RUBCNL: variants seen among roughly 807,000 people sequenced by gnomAD.
RUBCNL encodes rubicon like autophagy enhancer.
A neutral mutation model predicts 69.5 loss-of-function variants in RUBCNL; 62 were observed. That is an observed-to-expected ratio of 0.89 (90% CI 0.73 to 1.10). RUBCNL has a LOEUF of 1.10. RUBCNL is among the 50% of genes least tolerant of loss of function. The probability of loss-of-function intolerance (pLI) is 0.00; values close to 1 mark genes in which losing one functional copy is unlikely to be tolerated. For missense variants in RUBCNL, 768 were observed against 798.1 expected, an observed-to-expected ratio of 0.96 and a Z score of 0.45; for synonymous variants, 291 against 303.6, an observed-to-expected ratio of 0.96 and a Z score of 0.43.
intron 14 of RUBCNL, 130 bp from the exon 15 acceptor site, chr13:46,343,627 C>G (rs1421725902): frequency 1.1e-6 from 1 of 923,456 alleles, no homozygotes; most frequent in African/African-American, 1.7e-5. Flanking sequence ...AAAAAGAAAC[C>G]AGCCAGGCTG....
In RUBCNL at chr13:46,372,105, C is replaced by T. The variant is rs762425307; in HGVS notation, c.371G>A (p.Ser124Asn). The change falls in exon 3 of 15, where the codon AGT becomes AAT. Residue 124 changes from serine (S) to asparagine (N), a missense_variant. Physicochemically the swap from Ser to Asn is conservative, Grantham distance 46. Transcript: ENST00000429979. ...SASPHGSSEK[S>N]SSFSLSSTEV... The stretch of plus-strand genomic sequence containing the variant: ...TGTTGAGGACAGAGAGAAGCTGCTA[C>T]TCTTTTCACTCGAGCCATGGGGAGA... 6.2e-7 allele frequency: 1 copy of T among 1,613,974 alleles called. No individual in the cohort carries two copies. The highest frequency in any genetic ancestry group is 8.5e-7 in the Non-Finnish European group (1 of 1,179,882).
intron 8 of RUBCNL, 93 bp from the exon 9 acceptor site, chr13:46,359,724 A>T (rs1433076340): frequency 2.1e-5 from 26 of 1,236,564 alleles, no homozygotes; most frequent in Non-Finnish European, 2.6e-5. Flanking sequence ...CAACATTAAA[A>T]TTTACCATGA....
At chr13:46,376,647 A>G (rs2049000887) in intron 2 of RUBCNL, among the ~76,000 whole-genome samples, 1 of 152,246 alleles carries the variant, frequency 6.6e-6, no homozygotes, top group Admixed American at 6.5e-5. Context: ...CAAACACAGA[A>G]GCCTAGAGTA....
intron 12 of RUBCNL, among the ~76,000 whole-genome samples, chr13:46,346,333 C>T (rs1174590392): frequency 6.6e-6 from 1 of 152,184 alleles, no homozygotes; most frequent in Non-Finnish European, 1.5e-5. Flanking sequence ...AATCCCCAAT[C>T]CCTCTTCTTT....
rs1365985268 is a variant in RUBCNL, at chr13:46,359,509, T to G, written c.1242A>C (p.Ile414=). 1.9e-6 allele frequency: 3 copies of G among 1,601,402 alleles called. No individual in the cohort carries two copies. Among genetic ancestry groups the G allele is most frequent in the African/African-American group, 2.7e-5 (2 of 74,764 alleles). ...ACTTGAGTGGTGGATGAATATTAAA[T>G]ATGATTTGAAATCTAGGAGGAGCCC... ...EDWAPPRFQI[I]FNIHPPLKRD... The change falls in exon 9 of 15, where the codon ATA becomes ATC. Residue 414 remains isoleucine, a synonymous_variant. Transcript: ENST00000429979.
chr13:46,359,217 C>T (rs1594151463), intron 9 of RUBCNL, among the ~76,000 whole-genome samples: 1 of 151,850 alleles, frequency 6.6e-6, no homozygotes, highest in East Asian at 1.9e-4. Flanking sequence ...ATTTAATTTT[C>T]AGTTGCTACG....
chr13:46,388,851 T>C (rs2049304017), upstream of RUBCNL, among the ~76,000 whole-genome samples: 1 of 152,244 alleles, frequency 6.6e-6, no homozygotes, highest in South Asian at 2.1e-4. Context: ...TACTAGTTGC[T>C]GCCATCTTCA....
rs192506375 is a variant in RUBCNL at position 46,365,132 on chromosome 13, G to A, written c.827-1919C>T. Among the ~76,000 whole-genome samples the A allele has an allele frequency of 1.6e-3, 237 of 151,796 alleles. 1 individual carries two copies. The highest frequency in any genetic ancestry group is 5.3e-3 in the African/African-American group (221 of 41,386). ...AGCCTGGCCAACATGGTGAAAGCTC[G>A]TCTCTACTAAAAATACAAAAATTAG... On this transcript the variant is annotated intron_variant, in intron 5 of 14. Coordinates refer to ENST00000429979, the MANE Select transcript of RUBCNL (RefSeq NM_025113.5).
chr13:46,378,127 A>G, intron 1 of RUBCNL, 122 bp from the exon 2 acceptor site: 1 of 567,326 alleles, frequency 1.8e-6, no homozygotes, highest in Non-Finnish European at 3.0e-6. Context: ...CTGAGCATCT[A>G]CTACAGGTCT....
In RUBCNL at chr13:46,372,717, T is replaced by C. The variant is rs2048905898; in HGVS notation, c.-122-120A>G. ...AGTCTGTACTTGGCTCTATCCAACA[T>C]AGTAAAGCCCGCTTGGATTTATAAG... On this transcript the variant is annotated intron_variant, in intron 2 of 14. Coordinates refer to ENST00000429979, the MANE Select transcript of RUBCNL (RefSeq NM_025113.5). The C allele has an allele frequency of 1.8e-5, 14 of 762,974 alleles. 1 individual carries two copies. In the South Asian group the frequency reaches 2.8e-4, roughly 16 times the overall value. The allele number at this position is 762,974 out of a possible 1,614,324, so 47.3% of individuals were successfully genotyped here.
intron 5 of RUBCNL, among the ~76,000 whole-genome samples, chr13:46,366,639 G>A (rs2138778552): frequency 6.6e-6 from 1 of 152,316 alleles, no homozygotes; most frequent in Middle Eastern, 3.4e-3. Flanking sequence ...ACCATATGGA[G>A]TGAGTTCTTC....
chr13:46,353,095 T>TCC (rs2048406080), intron 10 of RUBCNL, among the ~76,000 whole-genome samples: 1 of 152,168 alleles, frequency 6.6e-6, no homozygotes, highest in Admixed American at 6.5e-5. Flanking sequence ...AGCCATCATG[T>TCC]CCCACTCCTC....
chr13:46,364,708 T>C (rs1465755735), intron 5 of RUBCNL, among the ~76,000 whole-genome samples: 2 of 151,516 alleles, frequency 1.3e-5, no homozygotes. Context: ...TGTTTTTTTT[T>C]TTTTTAATGT....
intron 14 of RUBCNL, 27 bp from the exon 15 acceptor site, chr13:46,343,524 C>T: frequency 6.2e-7 from 1 of 1,606,402 alleles, no homozygotes; most frequent in South Asian, 1.1e-5. Context: ...GAGCCGTTAG[C>T]AAACGGTCTA....
At chr13:46,380,311 G>A (rs758224171) in intron 1 of RUBCNL, among the ~76,000 whole-genome samples, 2 of 152,178 alleles carry the variant, frequency 1.3e-5, no homozygotes, top group Admixed American at 6.5e-5. Flanking sequence ...TGCATATGAC[G>A]CCCTTCCCAG....
rs556812719 is a variant in RUBCNL at position 46,339,749 on chromosome 13, C to T, written c.*3636G>A. Among the ~76,000 whole-genome samples, 2 of 152,216 alleles carry T rather than the reference C, an allele frequency of 1.3e-5. No individual in the cohort carries two copies. Among genetic ancestry groups the T allele is most frequent in the South Asian group, 4.1e-4 (2 of 4,824 alleles). ...TGGCGTGCGCCTGCAATCCCAGCTA[C>T]TCGGGAGGGTGAGACAGGAAAATCA... is the stretch of plus-strand genomic sequence containing the variant. On this transcript the variant is annotated 3_prime_UTR_variant, in exon 15 of 15. Coordinates refer to ENST00000429979, the MANE Select transcript of RUBCNL (RefSeq NM_025113.5).
chr13:46,366,274 G>T (rs1210699042), intron 5 of RUBCNL, among the ~76,000 whole-genome samples: 1 of 152,228 alleles, frequency 6.6e-6, no homozygotes, highest in Non-Finnish European at 1.5e-5. Context: ...TCTGTCCTGG[G>T]ATCTGGACTG....
chr13:46,375,179 G>A (rs74425030), intron 2 of RUBCNL, among the ~76,000 whole-genome samples: 3,995 of 152,184 alleles, frequency 0.026, 85 homozygotes, highest in East Asian at 0.098. Flanking sequence ...TGCATATCAG[G>A]GTTCAATAAA....
intron 13 of RUBCNL, 146 bp downstream of exon 13, chr13:46,345,301 C>T (rs1339285576): frequency 6.3e-6 from 6 of 955,656 alleles, no homozygotes; most frequent in Non-Finnish European, 9.1e-6. Context: ...GCTGTTACTT[C>T]ACAGCTCTGA....
Sources: gnomAD v4.1 joint callset for allele counts (sites outside exome capture counted in the v4.1 genomes callset) on GRCh38, gnomAD v4.1.1 for gene constraint, MANE v1.5 for transcripts, NCBI Gene and HGNC (gene_info 2026-07-23, HGNC 2026-07-21) for gene names.